ZMYM1: variants seen among roughly 807,000 people sequenced by gnomAD.
ZMYM1 encodes zinc finger MYM-type containing 1, also known as zinc finger MYM-type protein 1.
ZMYM1 carries 39 observed loss-of-function variants against 60.0 expected under a neutral mutation model. The observed-to-expected ratio is 0.65, with a 90% CI of 0.50 to 0.85. The LOEUF (loss-of-function observed/expected upper bound fraction) is 0.85, where lower values mean the gene tolerates loss of function less well. Among genes scored for constraint, ZMYM1 ranks in the 40% least tolerant of loss-of-function variants. The pLI is 0.00. For missense variants in ZMYM1, 1,171 were observed against 1,309.5 expected, an observed-to-expected ratio of 0.89 and a Z score of 1.63; for synonymous variants, 413 against 454.0, an observed-to-expected ratio of 0.91 and a Z score of 1.15.
intron 1 of ZMYM1, 73 bp from the exon 2 acceptor site, chr1:35,093,841 G>T: frequency 5.6e-6 from 3 of 531,064 alleles, no homozygotes; most frequent in Non-Finnish European, 9.8e-6. Flanking sequence ...AGACCCTTTT[G>T]TGGTTCTAGA....
intron 4 of ZMYM1, among the ~76,000 whole-genome samples, chr1:35,098,663 T>C (rs1224740733): frequency 6.6e-6 from 1 of 152,020 alleles, no homozygotes; most frequent in Admixed American, 6.6e-5. Flanking sequence ...TCCTAGCACT[T>C]AGGGAGGCCG....
intron 4 of ZMYM1, among the ~76,000 whole-genome samples, chr1:35,101,904 G>C (rs1643680085): frequency 1.3e-5 from 2 of 151,902 alleles, no homozygotes; most frequent in South Asian, 4.2e-4. Context: ...AGGACTTCTT[G>C]TACCCTTAAA....
At chr1:35,101,230 T>A (rs531394883) in intron 4 of ZMYM1, among the ~76,000 whole-genome samples, 28 of 149,566 alleles carry the variant, frequency 1.9e-4, no homozygotes, top group Non-Finnish European at 4.0e-4. Context: ...TGCCTCAGCC[T>A]CCCTAGTAAC....
chr1:35,079,748 C>G (rs374947150), intron 1 of ZMYM1, among the ~76,000 whole-genome samples: 23 of 152,356 alleles, frequency 1.5e-4, no homozygotes, highest in Non-Finnish European at 2.5e-4. Context: ...TTTAGTCTCG[C>G]TCCGCAGCCT....
intron 1 of ZMYM1, among the ~76,000 whole-genome samples, chr1:35,069,846 CTT>C (rs1642037746): frequency 6.6e-6 from 1 of 152,210 alleles, no homozygotes; most frequent in Non-Finnish European, 1.5e-5. Context: ...AAGAAACTGT[CTT>C]TTACCCAATG....
At chr1:35,091,299 G>A (rs1002017284) in intron 1 of ZMYM1, among the ~76,000 whole-genome samples, 1 of 151,954 alleles carries the variant, frequency 6.6e-6, no homozygotes, top group East Asian at 1.9e-4. Flanking sequence ...TGCAAGCTCC[G>A]TCTCCCGGGT....
chr1:35,092,323 C>G (rs889092083), intron 1 of ZMYM1, among the ~76,000 whole-genome samples: 14 of 152,064 alleles, frequency 9.2e-5, no homozygotes, highest in Admixed American at 6.6e-4. Flanking sequence ...GCCTCCGCCT[C>G]CTGGGTTGAA....
rs776064794 is a variant in ZMYM1, at chr1:35,110,426, G to C, written c.940G>C (p.Ala314Pro). 2 of 1,525,922 alleles carry C rather than the reference G, an allele frequency of 1.3e-6. No homozygotes were observed. The highest frequency in any genetic ancestry group is 1.8e-6 in the Non-Finnish European group (2 of 1,140,410). 94.5% of individuals were successfully genotyped at this position (1,525,922 alleles called of 1,614,324 possible). A position where few individuals can be genotyped will look rare whatever the true frequency, so the allele number is the denominator to read the frequency against. The change falls in exon 7 of 10, where the codon GCT (alanine) becomes CCT (proline). Residue 314 changes from alanine to proline, a missense_variant. Transcript: ENST00000359858. Reference protein sequence around the residue: ...SINCFSAYSKAKMESSSVSVV... With the variant: ...SINCFSAYSKPKMESSSVSVV... ...TAATTGTTTCTCTGCATACAGTAAA[G>C]CTAAGATGGAATCTTCTTCAGGTAA...
Position 35,113,141 on chromosome 1 carries a change from A to G in ZMYM1, c.1311A>G (p.Leu437=), listed in dbSNP as rs1248556356. 4 of 1,613,888 alleles carry G rather than the reference A, an allele frequency of 2.5e-6. No individual in the cohort carries two copies. Among genetic ancestry groups the G allele is most frequent in the African/African-American group, 2.7e-5 (2 of 74,914 alleles). Residue 437 remains leucine, a synonymous_variant, in exon 10 of 10, where the codon CTA becomes CTG. Transcript: ENST00000359858. The stretch of plus-strand genomic sequence containing the variant: ...AATCTATGAAAATAAGTGATGAACT[A>G]TGTCACCCAAAATGTACATCCAAAG... The part of the protein sequence containing the change: ...NMKSMKISDE[L]CHPKCTSKVQ...
At chr1:35,101,052 C>T (rs997562643) in intron 4 of ZMYM1, among the ~76,000 whole-genome samples, 3 of 151,308 alleles carry the variant, frequency 2.0e-5, no homozygotes, top group African/African-American at 7.3e-5. Flanking sequence ...ATCCTCCTGG[C>T]TTGCCCTCCC....
chr1:35,114,724 TTAATATC>T lies in ZMYM1; in HGVS notation c.2897_2903del (p.Asn966IlefsTer5). On this transcript the variant is annotated frameshift_variant, in exon 10 of 10. Transcript: ENST00000359858. LOFTEE classifies it low-confidence loss of function (END_TRUNC). The stretch of plus-strand genomic sequence containing the variant: ...ACTTCAACAGAAGAACAATATAAAA[TTAATATC>T]TATTACCAAGGATTAGATACTATAT... 1 of 1,571,376 alleles carries T rather than the reference TTAATATC, an allele frequency of 6.4e-7. No homozygotes were observed. The highest frequency in any genetic ancestry group is 8.6e-7 in the Non-Finnish European group (1 of 1,159,502).
Position 35,067,746 on chromosome 1 carries a change from G to A in ZMYM1, c.-301+7821G>A, listed in dbSNP as rs576562130. Among the ~76,000 whole-genome samples the A allele has an allele frequency of 2.2e-4, 33 of 151,714 alleles. No individual in the cohort carries two copies. The East Asian group carries it at 5.6e-3, about 26-fold the overall frequency. ...AGAAATTAGCCAGGCATGGTGGTGC[G>A]CGCCTGTGGTCCCGGCTGCTTGGGA... On this transcript the variant is annotated intron_variant, in intron 1 of 10. Transcript: ENST00000417119.
chr1:35,111,675 T>C, intron 7 of ZMYM1, 97 bp from the exon 8 acceptor site: 1 of 1,193,138 alleles, frequency 8.4e-7, no homozygotes, highest in South Asian at 2.4e-5. Context: ...CTTAAGCTAT[T>C]AGATGCTTGC....
At chr1:35,084,626 C>A (rs1304767279) in intron 1 of ZMYM1, among the ~76,000 whole-genome samples, 5 of 152,212 alleles carry the variant, frequency 3.3e-5, no homozygotes, top group Non-Finnish European at 5.9e-5. Flanking sequence ...AAATCCAGGT[C>A]TTTACCAAAA....
Position 35,104,587 on chromosome 1 carries a change from A to G in ZMYM1, c.625A>G (p.Lys209Glu). ...GTATGAAGTAAAATACCAAAATGTG[A>G]AACATAATCTTTGCAGTAATGCCTG... Reference protein sequence around the residue: ...IQYEVKYQNVKHNLCSNACLS... With the variant: ...IQYEVKYQNVEHNLCSNACLS... Residue 209 changes from lysine to glutamate, a missense_variant, in exon 6 of 10, where the codon AAA (lysine) becomes GAA (glutamate). Transcript: ENST00000359858. The G allele has an allele frequency of 1.2e-6, 2 of 1,614,166 alleles. No homozygotes were observed. Among genetic ancestry groups the G allele is most frequent in the Non-Finnish European group, 1.7e-6 (2 of 1,180,022 alleles).
chr1:35,106,009 A>C (rs539676446), intron 6 of ZMYM1, among the ~76,000 whole-genome samples: 5 of 152,302 alleles, frequency 3.3e-5, no homozygotes, highest in Admixed American at 6.5e-5. Flanking sequence ...TTATCTCAGC[A>C]CTTTGGGAGA....
At chr1:35,080,671 T>G (rs955506405) in intron 1 of ZMYM1, among the ~76,000 whole-genome samples, 1 of 151,918 alleles carries the variant, frequency 6.6e-6, no homozygotes, top group Non-Finnish European at 1.5e-5. Context: ...CATCATTGGT[T>G]GGTAGACACT....
intron 2 of ZMYM1, among the ~76,000 whole-genome samples, 154 bp from the exon 3 acceptor site, chr1:35,095,665 A>C (rs1377742988): frequency 6.6e-6 from 1 of 152,202 alleles, no homozygotes; most frequent in Admixed American, 6.5e-5. Context: ...AAGAGCACCA[A>C]AAGGGTAGTG....
At chr1:35,098,009 T>C (rs1643431094) in intron 4 of ZMYM1, among the ~76,000 whole-genome samples, 1 of 152,182 alleles carries the variant, frequency 6.6e-6, no homozygotes, top group Non-Finnish European at 1.5e-5. Context: ...TTTTCTACTT[T>C]TAGTTCCTCT....
Sources: allele counts gnomAD v4.1 joint callset (sites outside exome capture counted in the v4.1 genomes callset), GRCh38; gene constraint gnomAD v4.1.1; transcripts MANE v1.5; gene names NCBI Gene and HGNC (gene_info 2026-07-23, HGNC 2026-07-21).